ACSBG2: variants seen among roughly 807,000 people sequenced by gnomAD.
The protein encoded by ACSBG2 is acyl-CoA synthetase bubblegum family member 2.
Under a neutral mutation model 74.7 loss-of-function variants are expected in ACSBG2, and 62 were observed. The ratio of observed to expected loss-of-function variants is 0.83; its 90% CI spans 0.68 to 1.03. The LOEUF is 1.03. ACSBG2 is among the 50% of genes least tolerant of loss of function. ACSBG2 has a pLI of 0.00. For missense variants in ACSBG2, 730 were observed against 817.6 expected (o/e 0.89, Z 1.31); for synonymous variants, 309 against 294.1 (o/e 1.05, Z -0.52).
intron 2 of ACSBG2, among the ~76,000 whole-genome samples, chr19:6,146,825 G>C (rs1042385796): frequency 6.6e-6 from 1 of 152,030 alleles, no homozygotes; most frequent in Non-Finnish European, 1.5e-5. Context: ...GGCCAGGTGC[G>C]GTGGCTCATG....
In ACSBG2 at chr19:6,170,898, G is replaced by A. The variant is rs1427668548; in HGVS notation, c.738+4883G>A. On this transcript the variant is annotated intron_variant, in intron 7 of 14. Transcript: ENST00000588485. ...AGTAGTACTTGTCTTATAAATCTGG[G>A]GGCTCTGATGTTGGGAGGGTGGTTA... is the stretch of plus-strand genomic sequence containing the variant. 2.0e-5 allele frequency among the ~76,000 whole-genome samples: 3 copies of A among 151,824 alleles called. No individual in the cohort carries two copies. The East Asian group carries it at 5.8e-4, about 29-fold the overall frequency.
In ACSBG2 at chr19:6,183,868, T is replaced by C. The variant is rs143737466; in HGVS notation, c.1322+596T>C. Reference sequence around the variant, plus strand: ...AGGCTGGAGTGCAATGGTACAATCATAGATCACTGTAACCTTGAACTTCTG... The same window carrying C: ...AGGCTGGAGTGCAATGGTACAATCACAGATCACTGTAACCTTGAACTTCTG... On this transcript the variant is annotated intron_variant, in intron 10 of 14. Coordinates refer to ENST00000588485, the MANE Select transcript of ACSBG2 (RefSeq NM_030924.5). Among the ~76,000 whole-genome samples the C allele has an allele frequency of 1.9e-3, 290 of 152,292 alleles. 2 individuals carry two copies. Among genetic ancestry groups the C allele is most frequent in the African/African-American group, 6.4e-3 (265 of 41,570 alleles).
chr19:6,178,965 C>A (rs1352914032), intron 8 of ACSBG2, among the ~76,000 whole-genome samples: 1 of 152,198 alleles, frequency 6.6e-6, no homozygotes, highest in East Asian at 1.9e-4. Context: ...GGAGGCTGTG[C>A]TTTTGTAACC....
chr19:6,185,557 A>G lies in ACSBG2; in HGVS notation c.1444A>G (p.Thr482Ala), dbSNP rs2090381367. 1 of 1,614,034 alleles carries G rather than the reference A, an allele frequency of 6.2e-7. No homozygotes were observed. Among genetic ancestry groups the G allele is most frequent in the African/African-American group, 1.3e-5 (1 of 74,904 alleles). The change falls in exon 11 of 15, where the codon ACT becomes GCT. Residue 482 changes from threonine to alanine, a missense_variant. Transcript: ENST00000588485. ...GGGCTATCTGGAAAGTGAGACTGAA[A>G]CTACAGAGGCCATCGATGATGAAGG... is the stretch of plus-strand genomic sequence containing the variant. ...FMGYLESETE[T>A]TEAIDDEGWL...
intron 7 of ACSBG2, chr19:6,176,071 C>A (rs1433421455): frequency 6.4e-6 from 2 of 313,942 alleles, no homozygotes; most frequent in African/African-American, 2.2e-5. Context: ...CTAAAGCTGC[C>A]TGCTAAATTT....
At chr19:6,181,440 T>G (rs2090253364) in intron 8 of ACSBG2, among the ~76,000 whole-genome samples, 1 of 151,866 alleles carries the variant, frequency 6.6e-6, no homozygotes, top group Admixed American at 6.6e-5. Flanking sequence ...GTGTTAAGGG[T>G]TCTTTATATA....
intron 3 of ACSBG2, among the ~76,000 whole-genome samples, chr19:6,150,200 A>C (rs2089187120): frequency 6.6e-6 from 1 of 151,960 alleles, no homozygotes; most frequent in South Asian, 2.1e-4. Context: ...GGATATGGAG[A>C]AGCTGGAACC....
At chr19:6,168,145 C>T (rs2089864622) in intron 7 of ACSBG2, among the ~76,000 whole-genome samples, 1 of 152,132 alleles carries the variant, frequency 6.6e-6, no homozygotes, top group African/African-American at 2.4e-5. Flanking sequence ...AGCCCCATCT[C>T]CCTTCTCCTC....
At position 6,182,824 on chromosome 19, in the gene ACSBG2, T is replaced by C. The variant is rs1421178850; in HGVS notation, c.980T>C (p.Ile327Thr). ...GGAGTGCCTCAAATTTGGGAGAAGA[T>C]ACATGAGATGGTGAAGAAAAATAGT... is the stretch of plus-strand genomic sequence containing the variant. ...FIGVPQIWEK[I>T]HEMVKKNSAK... Residue 327 changes from isoleucine to threonine, a missense_variant, in exon 9 of 15, where the codon ATA becomes ACA. Physicochemically the swap from Ile to Thr is moderately conservative, Grantham distance 89. Coordinates refer to ENST00000588485, the MANE Select transcript of ACSBG2 (RefSeq NM_030924.5). 1.2e-6 allele frequency: 2 copies of C among 1,614,178 alleles called. No homozygotes were observed. Among genetic ancestry groups the C allele is most frequent in the South Asian group, 1.1e-5 (1 of 91,086 alleles).
At chr19:6,176,857 A>T (rs369304337) in intron 7 of ACSBG2, among the ~76,000 whole-genome samples, 1 of 152,226 alleles carries the variant, frequency 6.6e-6, no homozygotes, top group African/African-American at 2.4e-5. Flanking sequence ...AGCTAAATAC[A>T]TTTAAAATCG....
chr19:6,191,243 T>C (rs999098219), intron 14 of ACSBG2: 9 of 140,530 alleles, frequency 6.4e-5, no homozygotes, highest in African/African-American at 2.3e-4. Context: ...ATTGAGGTGT[T>C]TTTTTTTTTT....
chr19:6,181,349 G>A (rs540276075), intron 8 of ACSBG2, among the ~76,000 whole-genome samples: 8 of 142,948 alleles, frequency 5.6e-5, no homozygotes, highest in South Asian at 2.2e-4. Context: ...AGGAAGGAAG[G>A]AAGAAAGAAA....
chr19:6,176,417 T>G (rs1372913615), intron 7 of ACSBG2: 2 of 1,482,952 alleles, frequency 1.3e-6, no homozygotes, highest in African/African-American at 2.9e-5. Context: ...GAAAGTCCTT[T>G]GCCACTGCTC....
chr19:6,176,747 G>A (rs996703547), intron 7 of ACSBG2, among the ~76,000 whole-genome samples: 3 of 152,078 alleles, frequency 2.0e-5, no homozygotes, highest in African/African-American at 7.2e-5. Flanking sequence ...ACCCCCAGGT[G>A]TTATGATGAT....
At chr19:6,186,286 G>A (rs935300893) in intron 11 of ACSBG2, among the ~76,000 whole-genome samples, 5 of 152,194 alleles carry the variant, frequency 3.3e-5, no homozygotes, top group African/African-American at 1.2e-4. Flanking sequence ...TCTGTGATTT[G>A]TAGCACAAAA....
chr19:6,166,148 G>T lies in ACSBG2; in HGVS notation c.738+133G>T, dbSNP rs531780436. ...TCACCATTGGGGGTTAGAGAGTAGC[G>T]TAGTTGCTTCACTAGGGGGCAGCAG... is the stretch of plus-strand genomic sequence containing the variant. On this transcript the variant is annotated intron_variant, in intron 7 of 14. Coordinates refer to ENST00000588485, the MANE Select transcript of ACSBG2 (RefSeq NM_030924.5). 1.6e-4 allele frequency: 179 copies of T among 1,147,150 alleles called. 1 individual carries two copies. In the African/African-American group the frequency reaches 2.5e-3, roughly 16 times the overall value. The allele number at this position is 1,147,150 out of a possible 1,614,324, so 71.1% of individuals were successfully genotyped here.
In ACSBG2 at chr19:6,151,760, G is replaced by A; in HGVS notation, c.351G>A (p.Glu117=). The change falls in exon 4 of 15, where the codon GAG becomes GAA. Residue 117 remains glutamate (E), a synonymous_variant. Coordinates refer to ENST00000588485, the MANE Select transcript of ACSBG2 (RefSeq NM_030924.5). ...GVGILGFNSA[E]WFITAVGAIL... ...GTATCCTGGGGTTTAACTCTGCAGA[G>A]TGGTTTATCACTGCTGTTGGTGCCA... The A allele has an allele frequency of 6.2e-7, 1 of 1,603,022 alleles. No homozygotes were observed. The highest frequency in any genetic ancestry group is 1.7e-5 in the Admixed American group (1 of 57,954).
intron 6 of ACSBG2, 67 bp from the exon 7 acceptor site, chr19:6,165,799 G>C (rs1339005327): frequency 6.3e-7 from 1 of 1,580,912 alleles, no homozygotes. Context: ...CTGATAGGAC[G>C]AGGTCTGGCT....
At position 6,167,982 on chromosome 19, in the gene ACSBG2, CA is replaced by C. The variant is rs374277319; in HGVS notation, c.738+1968del. On this transcript the variant is annotated intron_variant, in intron 7 of 14. Transcript: ENST00000588485. ...CCCACCCAACTCCCACCCTCACCCC[CA>C]CCCCCAGTCTATCCTCTCTACAGCC... Among the ~76,000 whole-genome samples, 334 of 147,404 alleles carry C rather than the reference CA, an allele frequency of 2.3e-3. 5 individuals carry two copies. Among genetic ancestry groups the C allele is most frequent in the African/African-American group, 8.0e-3 (306 of 38,186 alleles).
Sources: allele counts gnomAD v4.1 joint callset (sites outside exome capture counted in the v4.1 genomes callset), GRCh38; gene constraint gnomAD v4.1.1; transcripts MANE v1.5; gene names NCBI Gene and HGNC (gene_info 2026-07-23, HGNC 2026-07-21).